Variants in MROH7 observed in about 807,000 individuals in gnomAD.
MROH7 encodes the protein maestro heat-like repeat-containing protein family member 7.
A neutral mutation model predicts 129.2 loss-of-function variants in MROH7; 113 were observed. The observed-to-expected ratio is 0.87, with a 90% CI of 0.75 to 1.02. The LOEUF (loss-of-function observed/expected upper bound fraction) is 1.02. Ranked by LOEUF, MROH7 falls within the 50% of genes least tolerant of loss-of-function variation. MROH7 has a pLI of 0.00. For missense variants in MROH7, 1,601 were observed against 1,671.3 expected (o/e 0.96, Z 0.73); for synonymous variants, 655 against 667.9 (o/e 0.98, Z 0.30).
At chr1:54,696,187 A>G (rs780112667) in intron 17 of MROH7, among the ~76,000 whole-genome samples, 17 of 152,114 alleles carry the variant, frequency 1.1e-4, no homozygotes, top group Non-Finnish European at 2.4e-4. Flanking sequence ...GAGAAAAAAA[A>G]CCCTGAGGCA....
At chr1:54,706,409 A>G (rs746478687) in intron 21 of MROH7, 26 bp from the exon 22 acceptor site, 56 of 1,571,042 alleles carry the variant, frequency 3.6e-5, no homozygotes, top group Admixed American at 3.4e-5. Flanking sequence ...AGAGGCCAGC[A>G]CTTTTGGGGT....
chr1:54,683,085 C>T (rs1645095973), intron 14 of MROH7, among the ~76,000 whole-genome samples: 1 of 151,968 alleles, frequency 6.6e-6, no homozygotes, highest in Non-Finnish European at 1.5e-5. Flanking sequence ...TGCCTGTAAT[C>T]CCAGCACTTT....
chr1:54,650,611 T>C (rs1484662854), intron 1 of MROH7, among the ~76,000 whole-genome samples: 1 of 151,906 alleles, frequency 6.6e-6, no homozygotes, highest in Admixed American at 6.6e-5. Context: ...TCTTCCTTCT[T>C]CTCTTCCCTC....
intron 3 of MROH7, 97 bp downstream of exon 3, chr1:54,654,254 A>G: frequency 8.2e-7 from 1 of 1,217,468 alleles, no homozygotes; most frequent in Non-Finnish European, 1.1e-6. Flanking sequence ...GGAAGGGGAC[A>G]GCAGGCAGTT....
chr1:54,681,250 C>T (rs1235826644), intron 13 of MROH7, among the ~76,000 whole-genome samples: 8 of 152,174 alleles, frequency 5.3e-5, no homozygotes, highest in African/African-American at 1.7e-4. Flanking sequence ...GAGCTGGTCT[C>T]TTGGGCCTCT....
chr1:54,672,516 G>T (rs1644917792), intron 7 of MROH7, among the ~76,000 whole-genome samples: 1 of 152,148 alleles, frequency 6.6e-6, no homozygotes, highest in African/African-American at 2.4e-5. Flanking sequence ...GAGAAACCTA[G>T]GCAGGAGAGA....
chr1:54,682,601 G>A, intron 13 of MROH7, 55 bp from the exon 14 acceptor site: 1 of 1,564,996 alleles, frequency 6.4e-7, no homozygotes, highest in Non-Finnish European at 8.7e-7. Flanking sequence ...TTTGGAGGCT[G>A]GGTTAGCCCC....
intron 6 of MROH7, 51 bp downstream of exon 6, chr1:54,670,627 A>G: frequency 6.5e-7 from 1 of 1,548,080 alleles, no homozygotes. Context: ...CTCTTCCTCC[A>G]CTTCTGCCTC....
chr1:54,696,602 C>G (rs1418358901), intron 17 of MROH7, among the ~76,000 whole-genome samples: 2 of 150,398 alleles, frequency 1.3e-5, no homozygotes, highest in Non-Finnish European at 2.9e-5. Context: ...GGCTGTTTCC[C>G]TAAACATAAT....
chr1:54,665,213 G>A lies in MROH7; in HGVS notation c.1278G>A (p.Lys426=). Residue 426 remains lysine, a synonymous_variant, in exon 4 of 24, where the codon AAG becomes AAA. Transcript: ENST00000421030. ...VTSCLVKVPE[K]TEGGNNMALV... The stretch of plus-strand genomic sequence containing the variant: ...CATGCCTGGTGAAGGTGCCAGAGAA[G>A]ACAGAAGGTGGCAACAACATGGCTC... The A allele has an allele frequency of 6.2e-7, 1 of 1,613,900 alleles. No individual in the cohort carries two copies. The highest frequency in any genetic ancestry group is 1.7e-4 in the Middle Eastern group (1 of 6,052).
At chr1:54,695,549 A>C in intron 17 of MROH7, 59 bp downstream of exon 17, 1 of 1,047,466 alleles carries the variant, frequency 9.5e-7, no homozygotes, top group South Asian at 1.3e-5. Flanking sequence ...GGTTCACGTC[A>C]CTGGTCATTT....
Position 54,653,718 on chromosome 1 carries a change from T to A in MROH7, c.792T>A (p.Phe264Leu). Reference sequence around the variant, plus strand: ...CTGAGTCTGTTTCAAAAGGAGCCTTTAGTACCACCTGGAGCACAAGTTCAA... The same window carrying A: ...CTGAGTCTGTTTCAAAAGGAGCCTTAAGTACCACCTGGAGCACAAGTTCAA... ...NISESVSKGA[F>L]STTWSTSSKE... Residue 264 changes from phenylalanine to leucine, a missense_variant, in exon 3 of 24, where the codon TTT becomes TTA. Physicochemically the swap from Phe to Leu is conservative, Grantham distance 22. Coordinates refer to ENST00000421030, the MANE Select transcript of MROH7 (RefSeq NM_001039464.4). The A allele has an allele frequency of 6.2e-7, 1 of 1,614,230 alleles. No individual in the cohort carries two copies. The highest frequency in any genetic ancestry group is 8.5e-7 in the Non-Finnish European group (1 of 1,180,048).
chr1:54,675,962 A>C (rs573974776), intron 10 of MROH7, among the ~76,000 whole-genome samples: 2 of 152,172 alleles, frequency 1.3e-5, no homozygotes, highest in East Asian at 3.9e-4. Flanking sequence ...AAAAGAAAGA[A>C]AGAAAGAAAG....
chr1:54,673,330 T>A, intron 8 of MROH7, 144 bp downstream of exon 8: 1 of 658,852 alleles, frequency 1.5e-6, no homozygotes, highest in Non-Finnish European at 2.7e-6. Context: ...TCCCTGTCTG[T>A]CTCACAGGCC....
intron 15 of MROH7, among the ~76,000 whole-genome samples, chr1:54,688,340 A>G (rs947766332): frequency 8.6e-5 from 13 of 150,744 alleles, no homozygotes; most frequent in African/African-American, 2.7e-4. Context: ...CCAAAGTGCT[A>G]GGATTATAGG....
intron 1 of MROH7, among the ~76,000 whole-genome samples, chr1:54,648,975 A>C (rs1253299179): frequency 1.3e-5 from 2 of 152,126 alleles, no homozygotes; most frequent in Non-Finnish European, 2.9e-5. Context: ...AGGAGAATAG[A>C]AGAGTCCTAT....
intron 22 of MROH7, among the ~76,000 whole-genome samples, chr1:54,708,518 G>A (rs1054493621): frequency 2.0e-5 from 3 of 152,210 alleles, no homozygotes; most frequent in African/African-American, 7.2e-5. Flanking sequence ...AGGCTCACAG[G>A]CTGGCAGCAA....
At chr1:54,644,010 T>C (rs1314881593) in intron 1 of MROH7, among the ~76,000 whole-genome samples, 1 of 152,172 alleles carries the variant, frequency 6.6e-6, no homozygotes, top group East Asian at 1.9e-4. Context: ...CTTCAGAAGT[T>C]TAATCATGAT....
chr1:54,669,727 T>C (rs1423086538), intron 5 of MROH7, among the ~76,000 whole-genome samples: 1 of 152,170 alleles, frequency 6.6e-6, no homozygotes, highest in African/African-American at 2.4e-5. Context: ...TGGCCAGGTG[T>C]GGTGGCTCAC....
Sources: gnomAD v4.1 joint callset for allele counts (sites outside exome capture counted in the v4.1 genomes callset) on GRCh38, gnomAD v4.1.1 for gene constraint, MANE v1.5 for transcripts, NCBI Gene and HGNC (gene_info 2026-07-23, HGNC 2026-07-21) for gene names.